CADPS: variants seen among roughly 807,000 people sequenced by gnomAD.
CADPS encodes calcium-dependent secretion activator 1.
A neutral mutation model predicts 167.3 loss-of-function variants in CADPS; 57 were observed. The ratio of observed to expected loss-of-function variants is 0.34; its 90% CI spans 0.28 to 0.42. CADPS has a LOEUF of 0.42. CADPS is among the 20% of genes least tolerant of loss of function. The probability of loss-of-function intolerance (pLI) is 1.00; values close to 1 mark genes in which losing one functional copy is unlikely to be tolerated. For synonymous variants in CADPS, 676 were observed against 635.3 expected (o/e 1.06, Z -0.96); for missense variants, 1,414 against 1,738.1 (o/e 0.81, Z 3.32).
At chr3:62,519,675 A>T (rs1356208320) in intron 13 of CADPS, among the ~76,000 whole-genome samples, 1 of 152,192 alleles carries the variant, frequency 6.6e-6, no homozygotes, top group Non-Finnish European at 1.5e-5. Context: ...GCTGGGGTGC[A>T]GCAGTGTGAT....
intron 1 of CADPS, among the ~76,000 whole-genome samples, chr3:62,872,531 G>A (rs2082815865): frequency 1.3e-5 from 2 of 152,186 alleles, no homozygotes; most frequent in Admixed American, 6.5e-5. Context: ...TTGACCAAAT[G>A]TCAGTGTTAT....
intron 6 of CADPS, among the ~76,000 whole-genome samples, chr3:62,600,133 C>G (rs1431535127): frequency 6.8e-6 from 1 of 147,458 alleles, no homozygotes; most frequent in Non-Finnish European, 1.5e-5. Context: ...GCTTTTATCT[C>G]TTTGAGGAGT....
chr3:62,863,033 C>T (rs2081087326), intron 1 of CADPS, among the ~76,000 whole-genome samples: 1 of 152,210 alleles, frequency 6.6e-6, no homozygotes, highest in African/African-American at 2.4e-5. Context: ...TATTACTATT[C>T]TGAATAGTTA....
At chr3:62,703,577 G>A (rs1015573806) in intron 3 of CADPS, among the ~76,000 whole-genome samples, 1 of 152,120 alleles carries the variant, frequency 6.6e-6, no homozygotes, top group East Asian at 1.9e-4. Flanking sequence ...AGTGGGATTA[G>A]TGGCAAGTTG....
At chr3:62,626,476 C>G in intron 6 of CADPS, 1 of 701,872 alleles carries the variant, frequency 1.4e-6, no homozygotes, top group South Asian at 1.5e-5. Context: ...TCTTCAAGCA[C>G]AAATCTTGTA....
intron 11 of CADPS, among the ~76,000 whole-genome samples, chr3:62,540,801 T>A (rs537659023): frequency 6.6e-6 from 1 of 152,296 alleles, no homozygotes; most frequent in East Asian, 1.9e-4. Flanking sequence ...TCTTCCACAG[T>A]GTCAAACATA....
intron 21 of CADPS, among the ~76,000 whole-genome samples, chr3:62,490,746 T>TA (rs1175557592): frequency 4.6e-5 from 7 of 152,164 alleles, no homozygotes; most frequent in Admixed American, 1.3e-4. Context: ...AGGTTTTTTT[T>TA]AAAAAGGTGC....
intron 3 of CADPS, among the ~76,000 whole-genome samples, chr3:62,750,413 A>C (rs1368803280): frequency 6.6e-6 from 1 of 151,418 alleles, no homozygotes; most frequent in Non-Finnish European, 1.5e-5. Flanking sequence ...AAGAAACATT[A>C]AATAATCATC....
intron 1 of CADPS, among the ~76,000 whole-genome samples, chr3:62,830,729 G>T (rs2074927895): frequency 6.6e-6 from 1 of 152,098 alleles, no homozygotes; most frequent in Admixed American, 6.6e-5. Context: ...CTGACTGATG[G>T]GGTGTGCTGG....
intron 1 of CADPS, among the ~76,000 whole-genome samples, chr3:62,816,938 T>C (rs2094645005): frequency 6.6e-6 from 1 of 152,040 alleles, no homozygotes; most frequent in Non-Finnish European, 1.5e-5. Context: ...CTAACCAGAG[T>C]TGTGAATGAA....
At chr3:62,778,451 T>C (rs2090857067) in intron 1 of CADPS, among the ~76,000 whole-genome samples, 1 of 152,236 alleles carries the variant, frequency 6.6e-6, no homozygotes, top group African/African-American at 2.4e-5. Flanking sequence ...TGGCAAAATC[T>C]TATTTGTCTA....
chr3:62,658,679 C>G (rs994660609), intron 4 of CADPS, among the ~76,000 whole-genome samples: 1 of 152,020 alleles, frequency 6.6e-6, no homozygotes, highest in Non-Finnish European at 1.5e-5. Context: ...GGAGTGCTTC[C>G]CAATTCATAA....
chr3:62,490,863 CT>C (rs1179357251), intron 21 of CADPS, among the ~76,000 whole-genome samples: 1 of 152,164 alleles, frequency 6.6e-6, no homozygotes, highest in Non-Finnish European at 1.5e-5. Flanking sequence ...TCTATGACTG[CT>C]TTCATGCTAC....
At chr3:62,608,430 G>A (rs1341425333) in intron 6 of CADPS, among the ~76,000 whole-genome samples, 2 of 151,838 alleles carry the variant, frequency 1.3e-5, no homozygotes, top group East Asian at 3.9e-4. Flanking sequence ...CCACAGGCAT[G>A]TGCCACCATG....
chr3:62,576,302 C>T (rs2152491452), intron 8 of CADPS, among the ~76,000 whole-genome samples: 1 of 152,180 alleles, frequency 6.6e-6, no homozygotes, highest in East Asian at 1.9e-4. Flanking sequence ...CTGTCATTAA[C>T]TTTCCTTTGG....
intron 21 of CADPS, among the ~76,000 whole-genome samples, chr3:62,489,786 C>T (rs950736375): frequency 1.3e-5 from 2 of 152,002 alleles, no homozygotes; most frequent in Non-Finnish European, 2.9e-5. Flanking sequence ...TCATTTTAAC[C>T]TTTTCCTCTT....
At chr3:62,448,865 C>T (rs1212115062) in intron 26 of CADPS, among the ~76,000 whole-genome samples, 2 of 152,136 alleles carry the variant, frequency 1.3e-5, no homozygotes, top group South Asian at 4.1e-4. Context: ...CTGCCTGCCT[C>T]GGCCTCCCAA....
intron 26 of CADPS, among the ~76,000 whole-genome samples, chr3:62,464,409 T>C (rs1022631226): frequency 1.2e-4 from 19 of 152,282 alleles, no homozygotes; most frequent in African/African-American, 4.3e-4. Flanking sequence ...GGGTCCTAAA[T>C]TGATTCCCTT....
chr3:62,656,891 C>G (rs1011237207), intron 4 of CADPS, among the ~76,000 whole-genome samples: 1 of 152,088 alleles, frequency 6.6e-6, no homozygotes, highest in Non-Finnish European at 1.5e-5. Flanking sequence ...CTTCAGAGGA[C>G]CCCCCTGGCA....
Sources: gnomAD v4.1 joint callset for allele counts (sites outside exome capture counted in the v4.1 genomes callset) on GRCh38, gnomAD v4.1.1 for gene constraint, MANE v1.5 for transcripts, NCBI Gene and HGNC (gene_info 2026-07-23, HGNC 2026-07-21) for gene names.